Variants in CRISPLD1 observed in about 807,000 individuals in gnomAD.
CRISPLD1 encodes cysteine rich secretory protein LCCL domain containing 1, also known as cysteine-rich secretory protein LCCL domain-containing 1.
CRISPLD1 carries 60 observed loss-of-function variants against 77.5 expected under a neutral mutation model. The ratio of observed to expected loss-of-function variants is 0.77; its 90% CI spans 0.63 to 0.96. The LOEUF is 0.96. CRISPLD1 is among the 40% of genes least tolerant of loss of function. CRISPLD1 has a pLI of 0.00. For synonymous variants in CRISPLD1, 195 were observed against 200.1 expected, an observed-to-expected ratio of 0.97 and a Z score of 0.22; for missense variants, 623 against 615.8, an observed-to-expected ratio of 1.01 and a Z score of -0.12.
At chr8:75,028,994 T>G (rs1471097187) in intron 13 of CRISPLD1, among the ~76,000 whole-genome samples, 1 of 152,124 alleles carries the variant, frequency 6.6e-6, no homozygotes, top group Non-Finnish European at 1.5e-5. Flanking sequence ...CTATGAACAT[T>G]TGGTCAGAGT....
rs1812951468 is a variant in CRISPLD1 at position 75,012,558 on chromosome 8, T to G, written c.377+7T>G. 3 of 1,528,652 alleles carry G rather than the reference T, an allele frequency of 2.0e-6. No homozygotes were observed. The highest frequency in any genetic ancestry group is 1.7e-5 in the Admixed American group (1 of 59,740). The allele number at this position is 1,528,652 out of a possible 1,614,324, so 94.7% of individuals were successfully genotyped here. A position where few individuals can be genotyped will look rare whatever the true frequency, so the allele number is the denominator to read the frequency against. On this transcript the variant is annotated splice_region_variant and intron_variant, in intron 3 of 14. Transcript: ENST00000262207. ...TGGGAGCACACTGGGGAAGGTATCT[T>G]AAAGCACAACTTTTTCTTTATGAAA...
At chr8:74,998,226 C>G (rs1812674667) in intron 2 of CRISPLD1, among the ~76,000 whole-genome samples, 1 of 152,150 alleles carries the variant, frequency 6.6e-6, no homozygotes, top group East Asian at 1.9e-4. Flanking sequence ...AGTGAACTGT[C>G]AAGATCATCA....
intron 2 of CRISPLD1, among the ~76,000 whole-genome samples, chr8:74,989,491 T>C (rs948186538): frequency 2.0e-5 from 3 of 152,148 alleles, no homozygotes; most frequent in Non-Finnish European, 4.4e-5. Context: ...GTTCTTCTCA[T>C]TGGCAAAATG....
At chr8:75,005,210 C>A (rs1252087062) in intron 2 of CRISPLD1, among the ~76,000 whole-genome samples, 1 of 152,010 alleles carries the variant, frequency 6.6e-6, no homozygotes, top group African/African-American at 2.4e-5. Flanking sequence ...TGTTATTTTA[C>A]AGCTAATTCT....
chr8:74,997,539 T>C (rs1812664922), intron 2 of CRISPLD1, among the ~76,000 whole-genome samples: 1 of 152,124 alleles, frequency 6.6e-6, no homozygotes, highest in Admixed American at 6.6e-5. Flanking sequence ...GTAAAAAATA[T>C]GGAAATAATG....
Position 75,012,889 on chromosome 8 carries a change from G to C in CRISPLD1, c.378-1G>C. On this transcript the variant is annotated splice_acceptor_variant, in intron 3 of 14. Coordinates refer to ENST00000262207, the MANE Select transcript of CRISPLD1 (RefSeq NM_031461.6). LOFTEE classifies it high-confidence loss of function. ...CTCTGTGACTATTTTCTTTCTAATA[G>C]ATATAGGCCCCCGACGTTTCATGTA... 6.2e-7 allele frequency: 1 copy of C among 1,606,360 alleles called. No individual in the cohort carries two copies. Among genetic ancestry groups the C allele is most frequent in the East Asian group, 2.2e-5 (1 of 44,750 alleles).
chr8:74,985,918 C>G lies in CRISPLD1; in HGVS notation c.-62-8C>G. On this transcript the variant is annotated splice_region_variant and splice_polypyrimidine_tract_variant and intron_variant, in intron 1 of 14. Coordinates refer to ENST00000262207, the MANE Select transcript of CRISPLD1 (RefSeq NM_031461.6). ...TTTTCATCTTAATCACATGACATGT[C>G]GTTATAGCCAAAAGGAGTGGAAGAG... 1 of 1,494,604 alleles carries G rather than the reference C, an allele frequency of 6.7e-7. No individual in the cohort carries two copies. The highest frequency in any genetic ancestry group is 2.3e-5 in the East Asian group (1 of 43,762). 92.6% of individuals were successfully genotyped at this position (1,494,604 alleles called of 1,614,324 possible). A position where few individuals can be genotyped will look rare whatever the true frequency, so the allele number is the denominator to read the frequency against.
Position 75,014,033 on chromosome 8 carries a change from G to C in CRISPLD1, c.557G>C (p.Cys186Ser). ...AGAATCGGTTGTGCCATTAATTTGT[G>C]TCATAACATGAACATCTGGGGGCAG... ...SNRIGCAINL[C>S]HNMNIWGQIW... The change falls in exon 5 of 15, where the codon TGT (cysteine) becomes TCT (serine). Residue 186 changes from cysteine to serine, a missense_variant. Coordinates refer to ENST00000262207, the MANE Select transcript of CRISPLD1 (RefSeq NM_031461.6). The C allele has an allele frequency of 6.2e-7, 1 of 1,613,198 alleles. No individual in the cohort carries two copies. Among genetic ancestry groups the C allele is most frequent in the Non-Finnish European group, 8.5e-7 (1 of 1,179,454 alleles).
At chr8:75,001,653 G>A (rs1187541801) in intron 2 of CRISPLD1, among the ~76,000 whole-genome samples, 2 of 152,152 alleles carry the variant, frequency 1.3e-5, no homozygotes, top group Admixed American at 6.5e-5. Flanking sequence ...AGGGATTGTT[G>A]TGACAATATG....
intron 2 of CRISPLD1, among the ~76,000 whole-genome samples, chr8:74,999,378 T>C (rs758957697): frequency 6.6e-6 from 1 of 152,200 alleles, no homozygotes; most frequent in Non-Finnish European, 1.5e-5. Context: ...ATATTAAAGA[T>C]AGAAAGCATA....
rs16939028 is a variant in CRISPLD1, at chr8:75,028,089, A to G, written c.1321-1298A>G. Reference sequence around the variant, plus strand: ...TGCTGATTAATATCCTTTTAACAGAACAAATACTGAAATGTGCACGGAATT... The same window carrying G: ...TGCTGATTAATATCCTTTTAACAGAGCAAATACTGAAATGTGCACGGAATT... On this transcript the variant is annotated intron_variant, in intron 13 of 14. Coordinates refer to ENST00000262207, the MANE Select transcript of CRISPLD1 (RefSeq NM_031461.6). Among the ~76,000 whole-genome samples, 1,249 of 152,320 alleles carry G rather than the reference A, an allele frequency of 8.2e-3. 8 individuals carry two copies. Among genetic ancestry groups the G allele is most frequent in the East Asian group, 0.042 (218 of 5,188 alleles).
chr8:75,016,778 T>G (rs1813037088), intron 7 of CRISPLD1, 73 bp downstream of exon 7: 1 of 1,560,418 alleles, frequency 6.4e-7, no homozygotes, highest in Middle Eastern at 1.7e-4. Context: ...TTTATTAATT[T>G]GAACATTTTT....
chr8:75,012,857 G>T lies in CRISPLD1; in HGVS notation c.378-33G>T, dbSNP rs760136517. 9.5e-6 allele frequency: 15 copies of T among 1,583,152 alleles called. No homozygotes were observed. The South Asian group carries it at 1.0e-4, about 11-fold the overall frequency. ...TTAGTTTTGTATTTTCTCCAACTTT[G>T]CTTGCCCTCTGTGACTATTTTCTTT... is the stretch of plus-strand genomic sequence containing the variant. On this transcript the variant is annotated intron_variant, in intron 3 of 14. Coordinates refer to ENST00000262207, the MANE Select transcript of CRISPLD1 (RefSeq NM_031461.6).
chr8:75,013,665 G>A (rs1334936145), intron 4 of CRISPLD1, among the ~76,000 whole-genome samples: 1 of 152,098 alleles, frequency 6.6e-6, no homozygotes, highest in Non-Finnish European at 1.5e-5. Context: ...CTGTTCCTTT[G>A]TCAGAAAAGT....
At chr8:75,021,086 T>G (rs755673018) in intron 12 of CRISPLD1, among the ~76,000 whole-genome samples, 2 of 152,306 alleles carry the variant, frequency 1.3e-5, no homozygotes, top group Non-Finnish European at 2.9e-5. Context: ...TTTAAAGATA[T>G]CATTGTAATT....
intron 2 of CRISPLD1, among the ~76,000 whole-genome samples, chr8:75,003,561 C>G (rs1352375799): frequency 6.6e-6 from 1 of 151,988 alleles, no homozygotes; most frequent in African/African-American, 2.4e-5. Context: ...ATCAATCCTG[C>G]ATCTATATAA....
chr8:75,028,709 T>C (rs1455811), intron 13 of CRISPLD1, among the ~76,000 whole-genome samples: 34,536 of 152,112 alleles, frequency 0.23, 4,105 homozygotes, highest in East Asian at 0.33. Flanking sequence ...ACTAGTGCAA[T>C]GTAATCATAG....
At position 75,016,468 on chromosome 8, in the gene CRISPLD1, T is replaced by C. The variant is rs575192500; in HGVS notation, c.728-97T>C. 7 of 1,223,854 alleles carry C rather than the reference T, an allele frequency of 5.7e-6. No homozygotes were observed. In the South Asian group the frequency reaches 1.3e-4, roughly 22 times the overall value. 75.8% of individuals were successfully genotyped at this position (1,223,854 alleles called of 1,614,324 possible). On this transcript the variant is annotated intron_variant, in intron 6 of 14. Transcript: ENST00000262207. ...AAAACAGTACTGATTTTTCTAGTTCTAAATGTTAAATAGGAGTATTAAAGT... is the reference window on the plus strand; with the variant it reads ...AAAACAGTACTGATTTTTCTAGTTCCAAATGTTAAATAGGAGTATTAAAGT...
chr8:75,025,693 T>C (rs1400854421), intron 13 of CRISPLD1, 72 bp downstream of exon 13: 3 of 778,928 alleles, frequency 3.9e-6, no homozygotes, highest in Non-Finnish European at 6.5e-6. Flanking sequence ...TTTAAATGTG[T>C]ATATGTACAT....
Sources: gnomAD v4.1 joint callset for allele counts (sites outside exome capture counted in the v4.1 genomes callset) on GRCh38, gnomAD v4.1.1 for gene constraint, MANE v1.5 for transcripts, NCBI Gene and HGNC (gene_info 2026-07-23, HGNC 2026-07-21) for gene names.